Variants in FBN2 observed in about 807,000 individuals in gnomAD.
FBN2 encodes the protein fibrillin 2.
A neutral mutation model predicts 355.6 loss-of-function variants in FBN2; 105 were observed. The observed-to-expected ratio is 0.30, with a 90% confidence interval of 0.25 to 0.35. The LOEUF (loss-of-function observed/expected upper bound fraction) is 0.35, where lower values mean the gene tolerates loss of function less well. Ranked by LOEUF, FBN2 falls within the 10% of genes least tolerant of loss-of-function variation. FBN2 has a pLI of 1.00. For missense variants in FBN2, 3,280 were observed against 3,758.7 expected, an observed-to-expected ratio of 0.87 and a Z score of 3.33; for synonymous variants, 1,350 against 1,301.2, an observed-to-expected ratio of 1.04 and a Z score of -0.81.
At chr5:128,491,724 A>G (rs1755510849) in intron 5 of FBN2, among the ~76,000 whole-genome samples, 1 of 152,230 alleles carries the variant, frequency 6.6e-6, no homozygotes, top group Non-Finnish European at 1.5e-5. Context: ...ACAAGTCAAC[A>G]AAAAGTCTAC....
chr5:128,266,951 C>T (rs1292257848), intron 62 of FBN2, among the ~76,000 whole-genome samples: 1 of 152,014 alleles, frequency 6.6e-6, no homozygotes, highest in African/African-American at 2.4e-5. Flanking sequence ...ACTGACTCAT[C>T]TTCTAGGTTA....
chr5:128,436,907 C>T (rs1334599895), intron 7 of FBN2, among the ~76,000 whole-genome samples: 1 of 152,114 alleles, frequency 6.6e-6, no homozygotes, highest in Non-Finnish European at 1.5e-5. Flanking sequence ...ATCACTCACC[C>T]TAACTGCGGG....
chr5:128,359,787 C>G (rs1751590541), intron 19 of FBN2, among the ~76,000 whole-genome samples: 1 of 152,000 alleles, frequency 6.6e-6, no homozygotes, highest in South Asian at 2.1e-4. Flanking sequence ...TATTAAACAC[C>G]ACCAGCTCCT....
At position 128,537,839 on chromosome 5, in the gene FBN2, G is replaced by T; in HGVS notation, c.-236C>A. The T allele has an allele frequency of 1.7e-6, 1 of 596,644 alleles. No individual in the cohort carries two copies. Among genetic ancestry groups the T allele is most frequent in the South Asian group, 2.0e-5 (1 of 50,170 alleles). The allele number at this position is 596,644 out of a possible 1,614,324, so 37.0% of individuals were successfully genotyped here. On this transcript the variant is annotated 5_prime_UTR_variant, in exon 1 of 65. Transcript: ENST00000262464. ...AGCGCAGTGAGCGGCGAGGCGCGGC[G>T]GAGGTGCAGCCGGCAGCCCCGAGCG...
Position 128,369,309 on chromosome 5 carries a change from A to G in FBN2, c.2121T>C (p.Tyr707=), listed in dbSNP as rs752845250. 2 of 1,614,020 alleles carry G rather than the reference A, an allele frequency of 1.2e-6. No individual in the cohort carries two copies. The highest frequency in any genetic ancestry group is 2.7e-5 in the African/African-American group (2 of 74,920). Residue 707 remains tyrosine (Y), a synonymous_variant, in exon 16 of 65, where the codon TAT becomes TAC. Coordinates refer to ENST00000262464, the MANE Select transcript of FBN2 (RefSeq NM_001999.4). ...CACACACTCCTTTCTTGATTCCTCC[A>G]TAGCAGGTACTGCGCATGTGAGTAT... is the stretch of plus-strand genomic sequence containing the variant. ...CVDTHMRSTC[Y]GGIKKGVCVR... is the part of the protein sequence containing the mutation.
At chr5:128,510,038 G>C (rs1400552035) in intron 5 of FBN2, among the ~76,000 whole-genome samples, 1 of 152,170 alleles carries the variant, frequency 6.6e-6, no homozygotes, top group Non-Finnish European at 1.5e-5. Flanking sequence ...GATGTCACAA[G>C]TTCTCTCTAT....
chr5:128,397,346 C>T (rs558389249), intron 8 of FBN2, among the ~76,000 whole-genome samples: 4 of 152,240 alleles, frequency 2.6e-5, no homozygotes, highest in South Asian at 4.1e-4. Flanking sequence ...TAATCACTAA[C>T]GTTATAAAAC....
intron 27 of FBN2, among the ~76,000 whole-genome samples, 182 bp from the exon 28 acceptor site, chr5:128,336,295 T>C (rs1404257553): frequency 6.6e-6 from 1 of 152,222 alleles, no homozygotes; most frequent in Non-Finnish European, 1.5e-5. Context: ...AACAATACTG[T>C]TGAGTAAAGC....
At chr5:128,340,899 G>A (rs370721775) in intron 25 of FBN2, among the ~76,000 whole-genome samples, 1 of 151,960 alleles carries the variant, frequency 6.6e-6, no homozygotes, top group African/African-American at 2.4e-5. Context: ...TTTTGAATTG[G>A]TTCTTGAAGG....
rs375220833 is a variant in FBN2, at chr5:128,305,835, A to G, written c.5536T>C (p.Leu1846=). 4.3e-6 allele frequency: 7 copies of G among 1,613,924 alleles called. No homozygotes were observed. The highest frequency in any genetic ancestry group is 3.3e-5 in the South Asian group (3 of 91,076). Reference sequence around the variant, plus strand: ...TTATTCAGATTACCTTCACAAACCAACAGCAGGTCATTGTAACTGAATCCT... The same window carrying G: ...TTATTCAGATTACCTTCACAAACCAGCAGCAGGTCATTGTAACTGAATCCT... ...PTGFSYNDLL[L]VCEDIDECSN... Residue 1846 remains leucine, a synonymous_variant, in exon 43 of 65, where the codon TTG becomes CTG. Coordinates refer to ENST00000262464, the MANE Select transcript of FBN2 (RefSeq NM_001999.4).
intron 36 of FBN2, among the ~76,000 whole-genome samples, chr5:128,313,834 C>A (rs915751558): frequency 4.6e-5 from 5 of 107,864 alleles, no homozygotes; most frequent in South Asian, 3.2e-4. Flanking sequence ...GCCTGGGCAA[C>A]AGAGCGAGAC....
In FBN2 at chr5:128,361,575, C is replaced by T. The variant is rs762379662; in HGVS notation, c.2554+148G>A. The T allele has an allele frequency of 2.9e-4, 298 of 1,020,638 alleles. 1 individual carries two copies. The highest frequency in any genetic ancestry group is 1.1e-3 in the Middle Eastern group (4 of 3,550). 63.2% of individuals were successfully genotyped at this position (1,020,638 alleles called of 1,614,324 possible). On this transcript the variant is annotated intron_variant, in intron 19 of 64. Coordinates refer to ENST00000262464, the MANE Select transcript of FBN2 (RefSeq NM_001999.4). The stretch of plus-strand genomic sequence containing the variant: ...AAACTGTATTAGGTCCTTACTATTT[C>T]AAAAACTGGCAGATTAGCTAAATGA...
chr5:128,528,915 TA>T (rs915392452), intron 3 of FBN2, among the ~76,000 whole-genome samples: 3 of 152,210 alleles, frequency 2.0e-5, no homozygotes, highest in Admixed American at 1.3e-4. Context: ...AAGGAAAAGA[TA>T]AATCTGAGAT....
intron 3 of FBN2, among the ~76,000 whole-genome samples, chr5:128,529,849 TTTTCATCAGGAG>T (rs1756657748): frequency 6.6e-6 from 1 of 151,812 alleles, no homozygotes; most frequent in African/African-American, 2.4e-5. Context: ...ATTAAGAGAG[TTTTCATCAGGAG>T]TTTCATCAGA....
chr5:128,345,357 C>G lies in FBN2; in HGVS notation c.3217G>C (p.Asp1073His). The G allele has an allele frequency of 6.2e-7, 1 of 1,613,868 alleles. No individual in the cohort carries two copies. The highest frequency in any genetic ancestry group is 8.5e-7 in the Non-Finnish European group (1 of 1,179,768). Residue 1073 changes from aspartate (D) to histidine (H), a missense_variant and splice_region_variant, in exon 24 of 65, where the codon GAC (aspartate) becomes CAC (histidine). Transcript: ENST00000262464. ...CAAGGCGCTGGCCGCAGGCAGTTAC[C>G]TTTGTAAAATGGCCGCCCAGTAAGA... ...DVLTGRPFYK[D>H]INECKAFPGM...
At chr5:128,383,326 G>C (rs1375066570) in intron 11 of FBN2, among the ~76,000 whole-genome samples, 3 of 151,924 alleles carry the variant, frequency 2.0e-5, no homozygotes, top group African/African-American at 7.2e-5. Context: ...TAAAAAAAAT[G>C]AATTCAAAAT....
intron 5 of FBN2, among the ~76,000 whole-genome samples, chr5:128,516,339 C>G (rs1459087150): frequency 6.6e-6 from 1 of 151,054 alleles, no homozygotes; most frequent in African/African-American, 2.4e-5. Context: ...AATGAGCTGT[C>G]TGCATTTTAC....
chr5:128,372,314 C>A (rs1220068340), intron 15 of FBN2, among the ~76,000 whole-genome samples: 1 of 152,180 alleles, frequency 6.6e-6, no homozygotes, highest in Non-Finnish European at 1.5e-5. Flanking sequence ...CTTTTGTTTA[C>A]AACCTTGCTT....
At position 128,537,500 on chromosome 5, in the gene FBN2, G is replaced by T; in HGVS notation, c.104C>A (p.Pro35His). The change falls in exon 1 of 65, where the codon CCC becomes CAC. Residue 35 changes from proline (P) to histidine (H), a missense_variant. By Grantham distance (77) the Pro-to-His change is moderately conservative. Coordinates refer to ENST00000262464, the MANE Select transcript of FBN2 (RefSeq NM_001999.4). ...GTAGQPQPPP[P>H]KPPRPQPPPQ... ...CGGCGGCTGGGGCCGGGGCGGCTTGGGCGGAGGAGGCTGAGGCTGGCCGGC... is the reference window on the plus strand; with the variant it reads ...CGGCGGCTGGGGCCGGGGCGGCTTGTGCGGAGGAGGCTGAGGCTGGCCGGC... 1 of 1,582,366 alleles carries T rather than the reference G, an allele frequency of 6.3e-7. No homozygotes were observed. The highest frequency in any genetic ancestry group is 2.3e-5 in the East Asian group (1 of 43,220).
Sources: allele counts gnomAD v4.1 joint callset (sites outside exome capture counted in the v4.1 genomes callset), GRCh38; gene constraint gnomAD v4.1.1; transcripts MANE v1.5; gene names NCBI Gene and HGNC (gene_info 2026-07-23, HGNC 2026-07-21).